UGGT2: variants seen among roughly 807,000 people sequenced by gnomAD.
UGGT2 encodes the protein UDP-glucose:glycoprotein glucosyltransferase 2.
Under a neutral mutation model 192.1 loss-of-function variants are expected in UGGT2, and 180 were observed. The observed-to-expected ratio is 0.94, with a 90% CI of 0.83 to 1.06. The LOEUF (loss-of-function observed/expected upper bound fraction) is 1.06, where lower values mean the gene tolerates loss of function less well. UGGT2 is among the 50% of genes least tolerant of loss of function. The pLI is 0.00. For synonymous variants in UGGT2, 580 were observed against 591.0 expected (o/e 0.98, Z 0.27); for missense variants, 1,849 against 1,795.7 (o/e 1.03, Z -0.54).
At chr13:95,929,321 G>T (rs1446770127) in intron 17 of UGGT2, among the ~76,000 whole-genome samples, 1 of 151,940 alleles carries the variant, frequency 6.6e-6, no homozygotes, top group Non-Finnish European at 1.5e-5. Flanking sequence ...TAGATTCGAG[G>T]GTACACATGC....
chr13:95,995,076 C>T (rs1555371693), intron 7 of UGGT2, among the ~76,000 whole-genome samples: 3 of 152,010 alleles, frequency 2.0e-5, no homozygotes, highest in Non-Finnish European at 1.5e-5. Flanking sequence ...ATGAAAAAAA[C>T]TTCCATCTTT....
chr13:95,993,977 A>G (rs1263268235), intron 7 of UGGT2, among the ~76,000 whole-genome samples: 1 of 152,036 alleles, frequency 6.6e-6, no homozygotes, highest in Non-Finnish European at 1.5e-5. Context: ...AGGGGGGGGT[A>G]TAACTTTAAT....
intron 5 of UGGT2, among the ~76,000 whole-genome samples, chr13:96,011,111 A>T (rs2052148224): frequency 6.6e-6 from 1 of 152,186 alleles, no homozygotes; most frequent in Non-Finnish European, 1.5e-5. Flanking sequence ...CCTTAAATGG[A>T]TCATAAACCT....
chr13:95,866,132 T>C (rs530331357), intron 30 of UGGT2, among the ~76,000 whole-genome samples: 1 of 152,282 alleles, frequency 6.6e-6, no homozygotes, highest in East Asian at 1.9e-4. Flanking sequence ...TCCCCCAACT[T>C]GCTAATTTTC....
intron 8 of UGGT2, among the ~76,000 whole-genome samples, chr13:95,988,947 G>C (rs1328446853): frequency 6.6e-6 from 1 of 152,098 alleles, no homozygotes; most frequent in Non-Finnish European, 1.5e-5. Flanking sequence ...TTATTTGTAT[G>C]TTATAAGTAA....
intron 5 of UGGT2, among the ~76,000 whole-genome samples, chr13:96,000,374 A>G (rs2051760630): frequency 1.3e-5 from 2 of 152,152 alleles, no homozygotes; most frequent in South Asian, 4.1e-4. Context: ...GGCCTGTTCT[A>G]TTTCCAGGTA....
chr13:95,858,319 G>A (rs373139129), intron 33 of UGGT2, among the ~76,000 whole-genome samples: 14 of 151,772 alleles, frequency 9.2e-5, no homozygotes, highest in African/African-American at 3.4e-4. Flanking sequence ...TGCAGATCTC[G>A]GACCACACTA....
chr13:95,962,418 C>T (rs1159278717), intron 12 of UGGT2, among the ~76,000 whole-genome samples: 1 of 151,946 alleles, frequency 6.6e-6, no homozygotes, highest in African/African-American at 2.4e-5. Flanking sequence ...TTATAGAAAA[C>T]TATACACTAA....
intron 15 of UGGT2, 71 bp from the exon 16 acceptor site, chr13:95,940,162 GCAGA>G (rs1484573005): frequency 1.4e-5 from 17 of 1,194,608 alleles, no homozygotes; most frequent in Non-Finnish European, 1.8e-5. Context: ...TCCTTAGCAT[GCAGA>G]TAGATTTTTA....
intron 36 of UGGT2, among the ~76,000 whole-genome samples, chr13:95,845,618 T>C (rs1049868329): frequency 1.3e-5 from 2 of 152,066 alleles, no homozygotes; most frequent in Non-Finnish European, 2.9e-5. Flanking sequence ...TTTCCCCACA[T>C]TTCCCCCTTT....
At chr13:96,005,972 T>G (rs1377177172) in intron 5 of UGGT2, among the ~76,000 whole-genome samples, 2 of 152,132 alleles carry the variant, frequency 1.3e-5, no homozygotes, top group African/African-American at 4.8e-5. Flanking sequence ...AGGCATGGCC[T>G]AAACTAAAGG....
chr13:95,848,115 G>A (rs1249186905), intron 36 of UGGT2, among the ~76,000 whole-genome samples: 1 of 152,148 alleles, frequency 6.6e-6, no homozygotes, highest in African/African-American at 2.4e-5. Flanking sequence ...TTGGTGAGGT[G>A]TCTGTTAAGG....
chr13:95,941,901 T>G (rs1232945947), intron 15 of UGGT2, among the ~76,000 whole-genome samples: 1 of 152,226 alleles, frequency 6.6e-6, no homozygotes, highest in Non-Finnish European at 1.5e-5. Flanking sequence ...AAGCATTGTT[T>G]TGAATTTGCA....
chr13:96,022,578 G>A (rs1489167309), intron 4 of UGGT2, among the ~76,000 whole-genome samples: 3 of 151,208 alleles, frequency 2.0e-5, no homozygotes, highest in African/African-American at 7.3e-5. Context: ...AAAATATACT[G>A]GTAGTATTAC....
At chr13:95,810,242 T>C (rs533273279) in intron 38 of UGGT2, among the ~76,000 whole-genome samples, 1 of 152,356 alleles carries the variant, frequency 6.6e-6, no homozygotes, top group Non-Finnish European at 1.5e-5. Flanking sequence ...TCAAGTTTTA[T>C]GGTATTGCAC....
intron 12 of UGGT2, among the ~76,000 whole-genome samples, chr13:95,952,976 C>T (rs982072877): frequency 5.3e-5 from 8 of 152,004 alleles, no homozygotes; most frequent in South Asian, 2.1e-4. Flanking sequence ...GACAATGTTA[C>T]GACAATATGT....
chr13:95,926,743 T>A (rs1470947569), intron 19 of UGGT2, among the ~76,000 whole-genome samples: 1 of 152,186 alleles, frequency 6.6e-6, no homozygotes, highest in African/African-American at 2.4e-5. Context: ...CTTTTCTGTA[T>A]ACATTATAAG....
At chr13:96,002,463 A>C (rs911078361) in intron 5 of UGGT2, among the ~76,000 whole-genome samples, 6 of 152,176 alleles carry the variant, frequency 3.9e-5, no homozygotes, top group African/African-American at 1.2e-4. Flanking sequence ...AGAATAAGGA[A>C]TGTTTCTCTC....
At chr13:96,049,468 G>A (rs1170795317) in intron 1 of UGGT2, among the ~76,000 whole-genome samples, 1 of 152,172 alleles carries the variant, frequency 6.6e-6, no homozygotes, top group African/African-American at 2.4e-5. Context: ...AGTGTTGGAA[G>A]TTCTGGCCAG....
Sources: gnomAD v4.1 joint callset for allele counts (sites outside exome capture counted in the v4.1 genomes callset) on GRCh38, gnomAD v4.1.1 for gene constraint, MANE v1.5 for transcripts, NCBI Gene and HGNC (gene_info 2026-07-23, HGNC 2026-07-21) for gene names.